Variants in SORBS2 observed in about 807,000 individuals in gnomAD.
SORBS2 encodes the protein sorbin and SH3 domain containing 2.
SORBS2 carries 46 observed loss-of-function variants against 97.7 expected under a neutral mutation model. The observed-to-expected ratio is 0.47, with a 90% confidence interval of 0.37 to 0.60. SORBS2 has a LOEUF of 0.60. SORBS2 is among the 20% of genes least tolerant of loss of function. The pLI, the probability that SORBS2 is intolerant of heterozygous loss-of-function variation, is 0.00. For synonymous variants in SORBS2, 476 were observed against 473.4 expected (o/e 1.01, Z -0.07); for missense variants, 1,316 against 1,282.3 (o/e 1.03, Z -0.40).
chr4:185,881,000 AAAGG>A (rs1199175084), intron 1 of SORBS2, among the ~76,000 whole-genome samples: 1 of 152,150 alleles, frequency 6.6e-6, no homozygotes, highest in Non-Finnish European at 1.5e-5. Flanking sequence ...AGAAAAAGAG[AAAGG>A]AAGGAAGGAT....
intron 1 of SORBS2, among the ~76,000 whole-genome samples, chr4:185,947,835 T>A (rs2099275292): frequency 6.6e-6 from 1 of 152,246 alleles, no homozygotes; most frequent in East Asian, 1.9e-4. Flanking sequence ...GGTCTCGAAC[T>A]CCTGACCTCA....
intron 1 of SORBS2, among the ~76,000 whole-genome samples, chr4:185,926,457 G>C (rs115784943): frequency 4.6e-5 from 7 of 151,968 alleles, no homozygotes; most frequent in African/African-American, 1.7e-4. Flanking sequence ...TCATCTCGGA[G>C]GTGATGGAAA....
At chr4:185,927,239 C>T (rs576309023) in intron 1 of SORBS2, among the ~76,000 whole-genome samples, 36 of 150,538 alleles carry the variant, frequency 2.4e-4, no homozygotes, top group Non-Finnish European at 4.1e-4. Flanking sequence ...GTTTTCCTAA[C>T]TTATAAAAAA....
intron 1 of SORBS2, among the ~76,000 whole-genome samples, chr4:185,817,280 T>C (rs1314403435): frequency 1.3e-5 from 2 of 151,824 alleles, no homozygotes; most frequent in Non-Finnish European, 2.9e-5. Flanking sequence ...CCCAAACATA[T>C]AAATACATCT....
chr4:185,783,324 C>G (rs960289742), intron 1 of SORBS2, among the ~76,000 whole-genome samples: 2 of 152,198 alleles, frequency 1.3e-5, no homozygotes, highest in African/African-American at 4.8e-5. Flanking sequence ...TAAGCAGACT[C>G]TCTCTCTACT....
At chr4:185,724,692 G>A (rs1001076623) in intron 2 of SORBS2, among the ~76,000 whole-genome samples, 1 of 151,914 alleles carries the variant, frequency 6.6e-6, no homozygotes, top group Non-Finnish European at 1.5e-5. Flanking sequence ...TCTCGTCTTC[G>A]GCCACCTCTC....
chr4:185,744,347 G>T (rs1482270445), intron 2 of SORBS2, among the ~76,000 whole-genome samples: 2 of 152,094 alleles, frequency 1.3e-5, no homozygotes, highest in East Asian at 3.8e-4. Flanking sequence ...GGGTCCCCAA[G>T]AGTACTTTGT....
chr4:185,690,671 G>T, intron 2 of SORBS2, 60 bp from the exon 4 acceptor site: 1 of 685,484 alleles, frequency 1.5e-6, no homozygotes, highest in Non-Finnish European at 2.4e-6. Flanking sequence ...TATCATGAAA[G>T]TGTGTCGCAT....
intron 1 of SORBS2, among the ~76,000 whole-genome samples, chr4:185,920,128 A>G (rs1174130701): frequency 6.6e-6 from 1 of 152,234 alleles, no homozygotes; most frequent in Admixed American, 6.5e-5. Context: ...ATTTGATTCT[A>G]TGTCAAATGG....
At chr4:185,762,235 G>A (rs966261347) in intron 2 of SORBS2, among the ~76,000 whole-genome samples, 8 of 152,172 alleles carry the variant, frequency 5.3e-5, no homozygotes, top group East Asian at 1.9e-4. Flanking sequence ...TGGCACCATC[G>A]TCAAGATCCA....
upstream of SORBS2, among the ~76,000 whole-genome samples, chr4:185,661,038 G>A (rs1168964150): frequency 6.6e-6 from 1 of 152,118 alleles, no homozygotes; most frequent in Non-Finnish European, 1.5e-5. Context: ...ACTTAGGGAG[G>A]TCGAGGCAGG....
intron 12 of SORBS2, among the ~76,000 whole-genome samples, chr4:185,605,480 T>TTTTTTTTTTTTTTTTTTTTGAG (rs1561359039): frequency 6.6e-6 from 1 of 151,410 alleles, no homozygotes; most frequent in African/African-American, 2.4e-5. Flanking sequence ...ATGGGGGTTT[T>TTTTTTTTTTTTTTTTTTTTGAG]ACCATGTTGG....
chr4:185,863,326 C>T (rs945835105), intron 1 of SORBS2, among the ~76,000 whole-genome samples: 11 of 152,084 alleles, frequency 7.2e-5, no homozygotes, highest in African/African-American at 2.4e-4. Context: ...ATATGCAGTC[C>T]TATAAGGATA....
intron 1 of SORBS2, among the ~76,000 whole-genome samples, chr4:185,850,780 T>C (rs779070987): frequency 2.6e-5 from 4 of 152,184 alleles, no homozygotes; most frequent in Non-Finnish European, 5.9e-5. Context: ...TTTCTGAGTG[T>C]GTCTGTGAGG....
At chr4:185,588,761 C>A (rs1210394559) in intron 14 of SORBS2, among the ~76,000 whole-genome samples, 1 of 152,026 alleles carries the variant, frequency 6.6e-6, no homozygotes, top group African/African-American at 2.4e-5. Flanking sequence ...ATTACAGGCA[C>A]CTGCCACCAA....
Position 185,606,466 on chromosome 4 carries a change from G to T in SORBS2, c.2796+5314C>A. On this transcript the variant is annotated intron_variant, in intron 12 of 14. Coordinates refer to ENST00000418609, the Ensembl canonical transcript of SORBS2. The surrounding 1 kb of genome is among the most constrained non-coding windows in gnomAD (Gnocchi z 4.3). ...TCCACCCCCATCTTATATAGTATTT[G>T]TGTTTTTTGTTTAAAAAAATCTGTT... 1.0e-6 allele frequency: 1 copy of T among 978,030 alleles called. No homozygotes were observed. The highest frequency in any genetic ancestry group is 4.7e-5 in the South Asian group (1 of 21,128). The allele number at this position is 978,030 out of a possible 1,614,324, so 60.6% of individuals were successfully genotyped here. A position where few individuals can be genotyped will look rare whatever the true frequency, so the allele number is the denominator to read the frequency against.
At chr4:185,786,950 ATT>A (rs35546450) in intron 1 of SORBS2, among the ~76,000 whole-genome samples, 55,737 of 99,764 alleles carry the variant, frequency 0.56, 15,256 homozygotes, top group Non-Finnish European at 0.62. Flanking sequence ...ATGTTCATCC[ATT>A]TTTTTTTTTT....
intron 1 of SORBS2, among the ~76,000 whole-genome samples, chr4:185,812,436 C>T (rs1187397195): frequency 2.6e-5 from 4 of 152,204 alleles, no homozygotes; most frequent in Non-Finnish European, 4.4e-5. Flanking sequence ...GCAAGTGCTC[C>T]GATTTTTCTG....
chr4:185,636,692 A>C (rs370821790), intron 4 of SORBS2, among the ~76,000 whole-genome samples: 39 of 141,034 alleles, frequency 2.8e-4, no homozygotes, highest in African/African-American at 1.0e-3. Context: ...TCTGTCGCCC[A>C]GGCTGGAGTG....
Sources: gnomAD v4.1 joint callset for allele counts (sites outside exome capture counted in the v4.1 genomes callset) on GRCh38, gnomAD v4.1.1 for gene constraint, Gnocchi (gnomAD v3.1) non-coding constraint, MANE v1.5 for transcripts, NCBI Gene and HGNC (gene_info 2026-07-23, HGNC 2026-07-21) for gene names.